The following WWC2 variants were observed in gnomAD, a reference collection of about 807,000 sequenced individuals.
WWC2 encodes the protein protein WWC2.
In WWC2, 101 loss-of-function variants were observed where a neutral mutation model predicts 138.5. The observed-to-expected ratio is 0.73, with a 90% CI of 0.62 to 0.86. The LOEUF (loss-of-function observed/expected upper bound fraction) is 0.86, where lower values mean the gene tolerates loss of function less well. Among genes scored for constraint, WWC2 ranks in the 40% least tolerant of loss-of-function variants. The probability of loss-of-function intolerance (pLI) is 0.00; values close to 1 mark genes in which losing one functional copy is unlikely to be tolerated. For missense variants in WWC2, 1,420 were observed against 1,419.4 expected (o/e 1.00, Z -0.01); for synonymous variants, 558 against 538.4 (o/e 1.04, Z -0.50).
chr4:183,261,134 C>T lies in WWC2; in HGVS notation c.1511C>T (p.Thr504Ile). 1 of 1,613,998 alleles carries T rather than the reference C, an allele frequency of 6.2e-7. No homozygotes were observed. The highest frequency in any genetic ancestry group is 8.5e-7 in the Non-Finnish European group (1 of 1,179,890). ...SGYIPSGPIT[T>I]IHENEVVKSP... ...TACATTCCTTCTGGACCCATCACCACCATCCATGAAAACGAGGTGGTCAAG... is the reference window on the plus strand; with the variant it reads ...TACATTCCTTCTGGACCCATCACCATCATCCATGAAAACGAGGTGGTCAAG... Residue 504 changes from threonine (T) to isoleucine (I), a missense_variant, in exon 11 of 23, where the codon ACC becomes ATC. Thr to Ile is a moderately conservative substitution (Grantham distance 89). Transcript: ENST00000403733.
intron 4 of WWC2, among the ~76,000 whole-genome samples, chr4:183,225,288 G>A (rs1297021647): frequency 6.6e-6 from 1 of 152,104 alleles, no homozygotes; most frequent in Non-Finnish European, 1.5e-5. Flanking sequence ...GAAGATCAAT[G>A]GAACTGAACA....
chr4:183,168,021 A>T (rs1329624513), intron 1 of WWC2, among the ~76,000 whole-genome samples: 1 of 151,734 alleles, frequency 6.6e-6, no homozygotes, highest in Non-Finnish European at 1.5e-5. Context: ...ATGCCAAGCC[A>T]ATTTTTTTGT....
intron 10 of WWC2, among the ~76,000 whole-genome samples, chr4:183,260,442 T>C (rs1488760954): frequency 2.0e-5 from 3 of 152,212 alleles, no homozygotes; most frequent in Non-Finnish European, 2.9e-5. Context: ...ATGATGACTT[T>C]TTGGTCAAGG....
chr4:183,200,611 A>G (rs752675435), intron 2 of WWC2, among the ~76,000 whole-genome samples: 2 of 152,140 alleles, frequency 1.3e-5, no homozygotes, highest in Non-Finnish European at 2.9e-5. Context: ...CAGTCATCTC[A>G]AGGCTGACTG....
intron 21 of WWC2, among the ~76,000 whole-genome samples, chr4:183,300,415 C>G (rs1240430935): frequency 4.6e-5 from 7 of 151,294 alleles, no homozygotes; most frequent in Non-Finnish European, 1.0e-4. Context: ...TGCAGAACTG[C>G]TAGATTTTTT....
chr4:183,248,690 A>T (rs752550316), intron 6 of WWC2, 24 bp from the exon 7 acceptor site: 1 of 1,557,412 alleles, frequency 6.4e-7, no homozygotes, highest in East Asian at 2.3e-5. Context: ...AAGCTTTATG[A>T]AACACTTTGT....
chr4:183,319,565 C>T lies in WWC2; in HGVS notation c.*3836C>T, dbSNP rs1739563191. The T allele has an allele frequency of 6.2e-7, 1 of 1,609,996 alleles. No individual in the cohort carries two copies. Among genetic ancestry groups the T allele is most frequent in the Non-Finnish European group, 8.5e-7 (1 of 1,178,160 alleles). On this transcript the variant is annotated 3_prime_UTR_variant, in exon 23 of 23. Coordinates refer to ENST00000403733, the MANE Select transcript of WWC2 (RefSeq NM_024949.6). The stretch of plus-strand genomic sequence containing the variant: ...GCTTGTCCTTTCTGGCTTAGTGTTT[C>T]AGGTTGGTGTTTCTCGTCTCCAGTT...
chr4:183,254,734 C>T (rs918553110), intron 9 of WWC2, among the ~76,000 whole-genome samples: 16 of 152,264 alleles, frequency 1.1e-4, no homozygotes, highest in South Asian at 2.1e-4. Context: ...CCGTTGAGAA[C>T]GACCGCATGT....
rs1553970984 is a variant in WWC2, at chr4:183,245,248, A to AGAG, written c.603-168_603-167insGAG. On this transcript the variant is annotated intron_variant, in intron 5 of 22. Coordinates refer to ENST00000403733, the MANE Select transcript of WWC2 (RefSeq NM_024949.6). ...TCTAAAAAAAAAAAAAAAAAAAAAAAAGAGAGAGAAAGGAGGAGAAACTGC... is the reference window on the plus strand; with the variant it reads ...TCTAAAAAAAAAAAAAAAAAAAAAAAGAGAGAGAGAGAAAGGAGGAGAAACTGC... 3.7e-3 allele frequency among the ~76,000 whole-genome samples: 546 copies of AGAG among 146,334 alleles called. 5 individuals carry two copies. The highest frequency in any genetic ancestry group is 0.014 in the African/African-American group (512 of 36,746).
At chr4:183,188,678 T>G (rs1007145046) in intron 1 of WWC2, among the ~76,000 whole-genome samples, 1 of 138,296 alleles carries the variant, frequency 7.2e-6, no homozygotes, top group African/African-American at 2.7e-5. Context: ...GAAGTCTCGC[T>G]CTTGTCCCCA....
At chr4:183,203,538 G>A (rs769226851) in intron 2 of WWC2, 16 of 151,998 alleles carry the variant, frequency 1.1e-4, no homozygotes, top group Non-Finnish European at 2.2e-4. Flanking sequence ...GCTGACTAAT[G>A]TACACTCTCT....
Position 183,193,713 on chromosome 4 carries a change from G to A in WWC2, c.241+5G>A. ...ACTACATCGATCACATCAACAGTAA[G>A]TTTTCCTTTTTGGTAAAAGCAAACA... On this transcript the variant is annotated splice_donor_5th_base_variant and intron_variant, in intron 2 of 22. Coordinates refer to ENST00000403733, the MANE Select transcript of WWC2 (RefSeq NM_024949.6). 1 of 1,610,538 alleles carries A rather than the reference G, an allele frequency of 6.2e-7. No homozygotes were observed. Among genetic ancestry groups the A allele is most frequent in the Non-Finnish European group, 8.5e-7 (1 of 1,177,848 alleles).
intron 16 of WWC2, among the ~76,000 whole-genome samples, chr4:183,273,149 G>A (rs1010821017): frequency 7.9e-5 from 12 of 151,860 alleles, no homozygotes; most frequent in African/African-American, 2.9e-4. Flanking sequence ...GTGTGAAGTG[G>A]TGTTTTCACT....
intron 2 of WWC2, among the ~76,000 whole-genome samples, chr4:183,194,491 C>A (rs916316359): frequency 1.3e-5 from 2 of 152,070 alleles, no homozygotes; most frequent in Non-Finnish European, 2.9e-5. Flanking sequence ...ATAAGTTTTG[C>A]GGAATACATA....
intron 1 of WWC2, among the ~76,000 whole-genome samples, chr4:183,166,800 T>C (rs964807215): frequency 6.6e-6 from 1 of 152,164 alleles, no homozygotes; most frequent in African/African-American, 2.4e-5. Flanking sequence ...GATCAAATAC[T>C]TTGGGATCCA....
chr4:183,297,885 G>T (rs1424490871), intron 21 of WWC2, among the ~76,000 whole-genome samples: 1 of 152,230 alleles, frequency 6.6e-6, no homozygotes, highest in Non-Finnish European at 1.5e-5. Flanking sequence ...AAATGAGGAA[G>T]AATTGTTCTA....
intron 16 of WWC2, among the ~76,000 whole-genome samples, chr4:183,274,416 C>T (rs1737788616): frequency 6.6e-6 from 1 of 152,094 alleles, no homozygotes; most frequent in Non-Finnish European, 1.5e-5. Context: ...TCATAGTTTT[C>T]AGAGTCAAAG....
At chr4:183,250,079 G>GCA in intron 8 of WWC2, 86 bp downstream of exon 8, 1 of 1,240,642 alleles carries the variant, frequency 8.1e-7, no homozygotes, top group South Asian at 1.3e-5. Flanking sequence ...CATCTGCTGG[G>GCA]CACTCCCCAT....
chr4:183,177,332 A>G (rs1006215804), intron 1 of WWC2, among the ~76,000 whole-genome samples: 2 of 152,230 alleles, frequency 1.3e-5, no homozygotes, highest in Non-Finnish European at 2.9e-5. Flanking sequence ...AGGATCATGC[A>G]TGATCTGTGA....
Sources: allele counts gnomAD v4.1 joint callset (sites outside exome capture counted in the v4.1 genomes callset), GRCh38; gene constraint gnomAD v4.1.1; transcripts MANE v1.5; gene names NCBI Gene and HGNC (gene_info 2026-07-23, HGNC 2026-07-21).